The following GBP4 variants were observed in gnomAD, a reference collection of about 807,000 sequenced individuals.
The protein encoded by GBP4 is guanylate binding protein 4, also known as guanylate-binding protein 4.
A neutral mutation model predicts 62.2 loss-of-function variants in GBP4; 69 were observed. The ratio of observed to expected loss-of-function variants is 1.11; its 90% confidence interval spans 0.91 to 1.36. GBP4 has a LOEUF of 1.36. GBP4 is among the 40% of genes most tolerant of loss of function. GBP4 has a pLI of 0.00. For missense variants in GBP4, 697 were observed against 759.3 expected, an observed-to-expected ratio of 0.92 and a Z score of 0.96; for synonymous variants, 278 against 274.6, an observed-to-expected ratio of 1.01 and a Z score of -0.12.
intron 10 of GBP4, 23 bp downstream of exon 10, chr1:89,186,310 T>G: frequency 6.2e-7 from 1 of 1,602,504 alleles, no homozygotes; most frequent in South Asian, 1.1e-5. Context: ...CCTCAGGCAC[T>G]GCCATTCTTC....
rs200823724 is a variant in GBP4 at position 89,197,188 on chromosome 1, C to G, written c.157G>C (p.Val53Leu). The G allele has an allele frequency of 6.2e-7, 1 of 1,614,120 alleles. No homozygotes were observed. The highest frequency in any genetic ancestry group is 1.7e-5 in the Admixed American group (1 of 60,018). ...LEILDKISQP[V>L]VVVAIVGLYR... ...AGCCCTACAATGGCCACCACCACCACGGGCTGAGAAATCTTGTCAAGAATC... is the reference window on the plus strand; with the variant it reads ...AGCCCTACAATGGCCACCACCACCAGGGGCTGAGAAATCTTGTCAAGAATC... The change falls in exon 2 of 11, where the codon GTG (valine) becomes CTG (leucine). Residue 53 changes from valine (V) to leucine (L), a missense_variant. Val to Leu is a conservative substitution (Grantham distance 32). Coordinates refer to ENST00000355754, the MANE Select transcript of GBP4 (RefSeq NM_052941.5).
chr1:89,187,963 G>A (rs751909520), intron 8 of GBP4, among the ~76,000 whole-genome samples: 1 of 152,194 alleles, frequency 6.6e-6, no homozygotes, highest in Non-Finnish European at 1.5e-5. Flanking sequence ...AGTTTCCAAT[G>A]GCTGTCAAGT....
At position 89,190,241 on chromosome 1, in the gene GBP4, CTG is replaced by C. The variant is rs557520852; in HGVS notation, c.992_993del (p.Thr331SerfsTer6). ...GAVPCLENAV[T>X]ALAQLENPAA... The stretch of plus-strand genomic sequence containing the variant: ...GCTGGGTTCTCAAGCTGGGCCAGTG[CTG>C]TCACTGCATTCTCCAGACAAGGTAC... On this transcript the variant is annotated frameshift_variant, in exon 7 of 11. Coordinates refer to ENST00000355754, the MANE Select transcript of GBP4 (RefSeq NM_052941.5). LOFTEE classifies it high-confidence loss of function. 49 of 1,614,194 alleles carry C rather than the reference CTG, an allele frequency of 3.0e-5. 1 individual carries two copies. In the South Asian group the frequency reaches 5.1e-4, roughly 17 times the overall value.
intron 3 of GBP4, among the ~76,000 whole-genome samples, chr1:89,195,026 A>T (rs1648292331): frequency 6.6e-6 from 1 of 152,128 alleles, no homozygotes; most frequent in Non-Finnish European, 1.5e-5. Flanking sequence ...TTACTGTTTT[A>T]TCTGTAGTAC....
rs1405593087 is a variant in GBP4, at chr1:89,190,304, C to T, written c.931G>A (p.Val311Met). The change falls in exon 7 of 11, where the codon GTG (valine) becomes ATG (methionine). Residue 311 changes from valine (V) to methionine (M), a missense_variant. By Grantham distance (21) the Val-to-Met change is conservative. Coordinates refer to ENST00000355754, the MANE Select transcript of GBP4 (RefSeq NM_052941.5). ...TTGATGGCATCTACATAAGTCACCA[C>T]CAGAGTCCCCAGCCCTGAATCACAT... ...IVTGKRLGTL[V>M]VTYVDAINSG... 5 of 1,604,658 alleles carry T rather than the reference C, an allele frequency of 3.1e-6. No homozygotes were observed. The African/African-American group carries it at 4.0e-5, about 13-fold the overall frequency.
intron 1 of GBP4, 83 bp from the exon 2 acceptor site, chr1:89,197,387 C>CT: frequency 9.1e-7 from 1 of 1,098,318 alleles, no homozygotes; most frequent in East Asian, 2.6e-5. Flanking sequence ...TACATATTAG[C>CT]TTTTTGCTTG....
Position 89,198,916 on chromosome 1 carries a change from AAGTAAG to A in GBP4, c.-88_-83del. The A allele has an allele frequency of 1.5e-6, 2 of 1,321,802 alleles. No homozygotes were observed. Among genetic ancestry groups the A allele is most frequent in the South Asian group, 2.3e-5 (2 of 85,208 alleles). 81.9% of individuals were successfully genotyped at this position (1,321,802 alleles called of 1,614,324 possible). A position where few individuals can be genotyped will look rare whatever the true frequency, so the allele number is the denominator to read the frequency against. ...AGTCCAGCCGGATTTACAGACATCC[AAGTAAG>A]AGTCTGTGAGAACCGAAATTGAAAG... On this transcript the variant is annotated 5_prime_UTR_variant, in exon 1 of 11. Coordinates refer to ENST00000355754, the MANE Select transcript of GBP4 (RefSeq NM_052941.5).
intron 6 of GBP4, among the ~76,000 whole-genome samples, chr1:89,190,695 C>T (rs190346961): frequency 6.0e-4 from 91 of 151,766 alleles, no homozygotes; most frequent in Admixed American, 5.4e-3. Context: ...ATGCAAGTCC[C>T]CTCATTTCTT....
In GBP4 at chr1:89,185,337, C is replaced by T. The variant is rs753737387; in HGVS notation, c.1840G>A (p.Ala614Thr). 1 of 1,613,280 alleles carries T rather than the reference C, an allele frequency of 6.2e-7. No individual in the cohort carries two copies. Among genetic ancestry groups the T allele is most frequent in the South Asian group, 1.1e-5 (1 of 91,066 alleles). ...QLRLLKILDMASNIMIVTLPG... is the reference protein window; with the variant it reads ...QLRLLKILDMTSNIMIVTLPG... ...AGAGTGACAATCATTATGTTGCTAG[C>T]CATGTCAAGGATCTTTAAGAGCCTT... Residue 614 changes from alanine to threonine, a missense_variant, in exon 11 of 11, where the codon GCT becomes ACT. Around this residue, in one of 2 missense-constraint regions of GBP4, gnomAD observed 141 missense variants for 196.6 expected, o/e 0.72. Transcript: ENST00000355754.
At chr1:89,195,525 G>A in intron 2 of GBP4, 101 bp from the exon 3 acceptor site, 8 of 1,393,484 alleles carry the variant, frequency 5.7e-6, no homozygotes, top group Non-Finnish European at 7.9e-6. Context: ...GTGGCTGACA[G>A]GGGAAAAGGG....
At position 89,185,777 on chromosome 1, in the gene GBP4, G is replaced by C. The variant is rs10922588; in HGVS notation, c.1708-308C>G. On this transcript the variant is annotated intron_variant, in intron 10 of 10. Coordinates refer to ENST00000355754, the MANE Select transcript of GBP4 (RefSeq NM_052941.5). ...TTCTAATTAATTCTAATTTCCACTG[G>C]TGTAGCAAGGCCATGCTCATCTAGC... Among the ~76,000 whole-genome samples, 302 of 152,292 alleles carry C rather than the reference G, an allele frequency of 2.0e-3. 3 individuals are homozygous for C. Among genetic ancestry groups the C allele is most frequent in the African/African-American group, 7.1e-3 (296 of 41,562 alleles).
chr1:89,186,557 A>T (rs1476212086), intron 9 of GBP4, 31 bp from the exon 10 acceptor site: 3 of 1,600,906 alleles, frequency 1.9e-6, no homozygotes, highest in Non-Finnish European at 2.6e-6. Flanking sequence ...AGAGGGAAGA[A>T]AATGACAGTT....
rs1258109569 is a variant in GBP4 at position 89,185,237 on chromosome 1, C to A, written c.*17G>T. On this transcript the variant is annotated 3_prime_UTR_variant, in exon 11 of 11. Transcript: ENST00000355754. ...TAAACCTCATTTTATATTTTCTTAC[C>A]TGGAATATTCAGGCTCTTAAATACG... The A allele has an allele frequency of 6.9e-7, 1 of 1,443,394 alleles. No homozygotes were observed. The highest frequency in any genetic ancestry group is 9.7e-7 in the Non-Finnish European group (1 of 1,030,988). The allele number at this position is 1,443,394 out of a possible 1,614,324, so 89.4% of individuals were successfully genotyped here. A position where few individuals can be genotyped will look rare whatever the true frequency, so the allele number is the denominator to read the frequency against.
At chr1:89,194,423 A>G (rs1033536196) in intron 3 of GBP4, among the ~76,000 whole-genome samples, 1 of 152,236 alleles carries the variant, frequency 6.6e-6, no homozygotes, top group African/African-American at 2.4e-5. Flanking sequence ...AAACTACAAC[A>G]TATTAAGAAT....
At chr1:89,197,021 C>T in intron 2 of GBP4, 89 bp downstream of exon 2, 2 of 1,055,632 alleles carry the variant, frequency 1.9e-6, no homozygotes, top group Non-Finnish European at 2.7e-6. Context: ...GAAGTCATGC[C>T]CTTCTTTAGG....
chr1:89,192,657 G>A (rs149775571), intron 5 of GBP4, among the ~76,000 whole-genome samples: 77 of 152,218 alleles, frequency 5.1e-4, no homozygotes, highest in African/African-American at 1.8e-3. Context: ...ATACTTATTG[G>A]TCTAAAATGA....
In GBP4 at chr1:89,185,365, CTG is replaced by C; in HGVS notation, c.1810_1811del (p.Gln604ValfsTer8). 1 of 1,607,128 alleles carries C rather than the reference CTG, an allele frequency of 6.2e-7. No homozygotes were observed. The highest frequency in any genetic ancestry group is 8.5e-7 in the Non-Finnish European group (1 of 1,173,662). ...TGTCAAGGATCTTTAAGAGCCTTAA[CTG>C]TTCATTTTTAGTGCTTTCAATTTTT... The part of the protein sequence containing the change: ...KEKIESTKNE[Q>X]LRLLKILDMA... On this transcript the variant is annotated frameshift_variant, in exon 11 of 11. Coordinates refer to ENST00000355754, the MANE Select transcript of GBP4 (RefSeq NM_052941.5). LOFTEE classifies it low-confidence loss of function (END_TRUNC).
chr1:89,193,764 T>C (rs1648251792), intron 3 of GBP4, among the ~76,000 whole-genome samples: 1 of 152,206 alleles, frequency 6.6e-6, no homozygotes, highest in Non-Finnish European at 1.5e-5. Context: ...GTTCAAAAAC[T>C]TTACATTGTG....
chr1:89,193,552 T>C (rs1648246556), intron 3 of GBP4, 140 bp from the exon 4 acceptor site: 2 of 659,872 alleles, frequency 3.0e-6, no homozygotes, highest in Non-Finnish European at 2.6e-6. Flanking sequence ...AATGCTGAAT[T>C]CAAACTTCAT....
Sources: allele counts gnomAD v4.1 joint callset (sites outside exome capture counted in the v4.1 genomes callset), GRCh38; gene constraint gnomAD v4.1.1; regional missense constraint gnomAD v4.1.1; transcripts MANE v1.5; gene names NCBI Gene and HGNC (gene_info 2026-07-23, HGNC 2026-07-21).